Variants in DZIP1 observed in about 807,000 individuals in gnomAD.
The protein encoded by DZIP1 is cilium assembly protein DZIP1.
Under a neutral mutation model 107.6 loss-of-function variants are expected in DZIP1, and 97 were observed. The ratio of observed to expected loss-of-function variants is 0.90; its 90% CI spans 0.77 to 1.07. DZIP1 has a LOEUF of 1.07. Ranked by LOEUF, DZIP1 falls within the 50% of genes least tolerant of loss-of-function variation. The pLI, the probability that DZIP1 is intolerant of heterozygous loss-of-function variation, is 0.00. For synonymous variants in DZIP1, 390 were observed against 386.4 expected (o/e 1.01, Z -0.11); for missense variants, 1,035 against 1,063.6 (o/e 0.97, Z 0.37).
intron 10 of DZIP1, among the ~76,000 whole-genome samples, chr13:95,613,761 G>A (rs1428088895): frequency 6.6e-5 from 10 of 152,116 alleles, no homozygotes; most frequent in Non-Finnish European, 1.3e-4. Flanking sequence ...TGGCCCCATC[G>A]TACAGATAGG....
chr13:95,625,841 G>T (rs1056846137), intron 7 of DZIP1, among the ~76,000 whole-genome samples: 2 of 152,054 alleles, frequency 1.3e-5, no homozygotes, highest in Non-Finnish European at 2.9e-5. Flanking sequence ...AAAGAAGAAA[G>T]GTCCAGGTGT....
rs1464244205 is a variant in DZIP1, at chr13:95,644,062, C to T, written c.-526+315G>A. Among the ~76,000 whole-genome samples, 3 of 152,294 alleles carry T rather than the reference C, an allele frequency of 2.0e-5. No individual in the cohort carries two copies. The East Asian group carries it at 5.8e-4, about 30-fold the overall frequency. Reference sequence around the variant, plus strand: ...ATGGCCGGAACAGGAAAGAAGGGGGCATGCTTTCCCGTTCCCTCCCTCCCC... The same window carrying T: ...ATGGCCGGAACAGGAAAGAAGGGGGTATGCTTTCCCGTTCCCTCCCTCCCC... On this transcript the variant is annotated intron_variant, in intron 1 of 22. Transcript: ENST00000376829.
intron 5 of DZIP1, among the ~76,000 whole-genome samples, chr13:95,638,965 T>A (rs1484335191): frequency 6.6e-6 from 1 of 152,206 alleles, no homozygotes; most frequent in Admixed American, 6.5e-5. Flanking sequence ...ATGATAGCAG[T>A]CATATGATTG....
chr13:95,606,101 T>C (rs369423826), intron 13 of DZIP1, 42 bp from the exon 14 acceptor site: 10 of 1,604,416 alleles, frequency 6.2e-6, no homozygotes, highest in African/African-American at 4.0e-5. Flanking sequence ...GTTCCATAAT[T>C]AAAGCATAAG....
chr13:95,631,735 G>A (rs894741801), intron 6 of DZIP1, among the ~76,000 whole-genome samples: 1 of 151,986 alleles, frequency 6.6e-6, no homozygotes, highest in Non-Finnish European at 1.5e-5. Flanking sequence ...AGTTGTCCCT[G>A]GGTCTCACAT....
intron 10 of DZIP1, among the ~76,000 whole-genome samples, chr13:95,614,685 T>C (rs902235373): frequency 1.3e-5 from 2 of 152,154 alleles, no homozygotes; most frequent in African/African-American, 4.8e-5. Flanking sequence ...ACTATGCATT[T>C]TTCCCTACTG....
chr13:95,608,037 A>G (rs1447516746), intron 13 of DZIP1, among the ~76,000 whole-genome samples: 3 of 152,194 alleles, frequency 2.0e-5, no homozygotes, highest in Admixed American at 1.3e-4. Flanking sequence ...CTTTTAAGTG[A>G]TGAAAACTTC....
intron 21 of DZIP1, among the ~76,000 whole-genome samples, chr13:95,585,456 C>T (rs1161487750): frequency 2.0e-5 from 3 of 152,138 alleles, no homozygotes; most frequent in Non-Finnish European, 4.4e-5. Flanking sequence ...GACAAAATGC[C>T]CTGGACTGGA....
rs200658829 is a variant in DZIP1, at chr13:95,622,420, C to G, written c.1033G>C (p.Asp345His). The G allele has an allele frequency of 1.2e-6, 2 of 1,614,086 alleles. No homozygotes were observed. The highest frequency in any genetic ancestry group is 1.7e-6 in the Non-Finnish European group (2 of 1,180,022). Residue 345 changes from aspartate to histidine, a missense_variant, in exon 9 of 23, where the codon GAT becomes CAT. Transcript: ENST00000376829. ...QIKSNIGTLK[D>H]AHEFKEDRSP... is the part of the protein sequence containing the mutation. The stretch of plus-strand genomic sequence containing the variant: ...CGGTCTTCTTTAAACTCGTGTGCAT[C>G]TTTTAATGTGCCTATGTTGGACTTG...
chr13:95,612,501 C>A (rs1293948148), intron 10 of DZIP1, among the ~76,000 whole-genome samples: 3 of 152,208 alleles, frequency 2.0e-5, no homozygotes, highest in African/African-American at 4.8e-5. Context: ...TGGCTCTGAC[C>A]CTTAGTACTA....
In DZIP1 at chr13:95,642,139, G is replaced by A; in HGVS notation, c.-110C>T. The A allele has an allele frequency of 7.3e-7, 1 of 1,377,588 alleles. No homozygotes were observed. 85.3% of individuals were successfully genotyped at this position (1,377,588 alleles called of 1,614,324 possible). A position where few individuals can be genotyped will look rare whatever the true frequency, so the allele number is the denominator to read the frequency against. Reference sequence around the variant, plus strand: ...GTTCCTCGCTTCCGCGGCGGCGGCGGCCTAAGGTCTGGGCGTCCAGGACGT... The same window carrying A: ...GTTCCTCGCTTCCGCGGCGGCGGCGACCTAAGGTCTGGGCGTCCAGGACGT... On this transcript the variant is annotated 5_prime_UTR_variant, in exon 4 of 23. Coordinates refer to ENST00000376829, the MANE Select transcript of DZIP1 (RefSeq NM_198968.4).
intron 22 of DZIP1, 21 bp from the exon 23 acceptor site, chr13:95,582,334 C>A (rs754457564): frequency 1.2e-6 from 2 of 1,606,566 alleles, no homozygotes; most frequent in Middle Eastern, 1.7e-4. Context: ...TGGGTAGAGG[C>A]AGAAGAGAAG....
intron 19 of DZIP1, 113 bp from the exon 20 acceptor site, chr13:95,587,842 G>T: frequency 7.7e-7 from 1 of 1,298,620 alleles, no homozygotes; most frequent in Non-Finnish European, 1.0e-6. Context: ...AATTCTCAGT[G>T]GGCACAAGTG....
chr13:95,642,191 C>A lies in DZIP1; in HGVS notation c.-162G>T. 1.0e-6 allele frequency: 1 copy of A among 959,436 alleles called. No individual in the cohort carries two copies. The highest frequency in any genetic ancestry group is 1.5e-6 in the Non-Finnish European group (1 of 688,310). The allele number at this position is 959,436 out of a possible 1,614,324, so 59.4% of individuals were successfully genotyped here. On this transcript the variant is annotated 5_prime_UTR_variant, in exon 4 of 23. In the 5' UTR this introduces an upstream ATG that the reference lacks. Transcript: ENST00000376829. ...GCTATAGCAGCGCCCAGGTCCGGAC[C>A]TGGAGCAAAGGGCGCGTCTGCCCGC...
chr13:95,590,319 T>A lies in DZIP1; in HGVS notation c.1803A>T (p.Gln601His). The part of the protein sequence containing the change: ...FHQIREFLEH[Q>H]VSCKIEEKAL... The stretch of plus-strand genomic sequence containing the variant: ...CTTTCTCCTCAATTTTACAGCTGAC[T>A]TGATGTTCAAGGAATTCTCGAATTT... Residue 601 changes from glutamine to histidine, a missense_variant, in exon 17 of 23, where the codon CAA becomes CAT. Transcript: ENST00000376829. The A allele has an allele frequency of 6.2e-7, 1 of 1,613,926 alleles. No individual in the cohort carries two copies. Among genetic ancestry groups the A allele is most frequent in the South Asian group, 1.1e-5 (1 of 91,012 alleles).
intron 8 of DZIP1, 139 bp downstream of exon 8, chr13:95,624,629 T>C: frequency 1.3e-6 from 1 of 788,754 alleles, no homozygotes; most frequent in East Asian, 2.7e-5. Flanking sequence ...CCTCTATGCC[T>C]CCCTCAAGAC....
intron 15 of DZIP1, among the ~76,000 whole-genome samples, 166 bp downstream of exon 15, chr13:95,599,199 T>C (rs2044542988): frequency 6.6e-6 from 1 of 152,124 alleles, no homozygotes; most frequent in African/African-American, 2.4e-5. Flanking sequence ...ATTAGGGGAA[T>C]AGGATAACAG....
chr13:95,639,433 A>G (rs1317691801), intron 5 of DZIP1, among the ~76,000 whole-genome samples: 1 of 152,114 alleles, frequency 6.6e-6, no homozygotes, highest in Non-Finnish European at 1.5e-5. Flanking sequence ...TCTACTAAAA[A>G]TACAAAAATT....
rs1181922660 is a variant in DZIP1 at position 95,641,632 on chromosome 13, A to G, written c.260T>C (p.Leu87Pro). The change falls in exon 5 of 23, where the codon CTG becomes CCG. Residue 87 changes from leucine to proline, a missense_variant. Coordinates refer to ENST00000376829, the MANE Select transcript of DZIP1 (RefSeq NM_198968.4). This position sits in a 1 kb window ranked among gnomAD's most constrained non-coding sequence, Gnocchi z 4.3. The part of the protein sequence containing the change: ...VDKVAGAVDV[L>P]TLQENIMNIT... ...GTTCATGATGTTCTCCTGCAGCGTCAGCACGTCCACAGCCCCCGCCACCTT... is the reference window on the plus strand; with the variant it reads ...GTTCATGATGTTCTCCTGCAGCGTCGGCACGTCCACAGCCCCCGCCACCTT... The G allele has an allele frequency of 6.2e-7, 1 of 1,610,988 alleles. No homozygotes were observed. The highest frequency in any genetic ancestry group is 8.5e-7 in the Non-Finnish European group (1 of 1,180,026).
Sources: allele counts gnomAD v4.1 joint callset (sites outside exome capture counted in the v4.1 genomes callset), GRCh38; gene constraint gnomAD v4.1.1; non-coding constraint Gnocchi (gnomAD v3.1); transcripts MANE v1.5; gene names NCBI Gene and HGNC (gene_info 2026-07-23, HGNC 2026-07-21).